DENND1A: variants seen among roughly 807,000 people sequenced by gnomAD.
DENND1A encodes DENN domain-containing protein 1A.
A neutral mutation model predicts 113.7 loss-of-function variants in DENND1A; 51 were observed. The observed-to-expected ratio is 0.45, with a 90% CI of 0.36 to 0.57. DENND1A has a LOEUF of 0.57. Among genes scored for constraint, DENND1A ranks in the 20% least tolerant of loss-of-function variants. The pLI is 0.00. For missense variants in DENND1A, 1,258 were observed against 1,395.9 expected (o/e 0.90, Z 1.57); for synonymous variants, 565 against 570.8 (o/e 0.99, Z 0.14).
chr9:123,607,554 G>C (rs2060228558), intron 11 of DENND1A, among the ~76,000 whole-genome samples: 1 of 125,704 alleles, frequency 8.0e-6, no homozygotes, highest in South Asian at 2.9e-4. Context: ...GAGAGTGTGT[G>C]TGTGTGTGTG....
At chr9:123,469,346 T>G (rs1254740946) in intron 13 of DENND1A, among the ~76,000 whole-genome samples, 2 of 152,266 alleles carry the variant, frequency 1.3e-5, no homozygotes, top group Non-Finnish European at 2.9e-5. Context: ...CTCTGATGAT[T>G]TGCAGGGGCA....
chr9:123,593,441 C>T (rs2059549562), intron 11 of DENND1A, among the ~76,000 whole-genome samples: 1 of 152,086 alleles, frequency 6.6e-6, no homozygotes, highest in Non-Finnish European at 1.5e-5. Flanking sequence ...AATGGGACCT[C>T]CAAGCAAAGG....
intron 11 of DENND1A, among the ~76,000 whole-genome samples, chr9:123,592,597 G>A (rs919348550): frequency 6.6e-6 from 1 of 152,220 alleles, no homozygotes; most frequent in African/African-American, 2.4e-5. Flanking sequence ...CTGGGTGGTG[G>A]TTACATGTAT....
chr9:123,772,371 A>T lies in DENND1A; in HGVS notation c.133-2808T>A, dbSNP rs1280605746. On this transcript the variant is annotated intron_variant, in intron 3 of 23. Transcript: ENST00000394215. ...TGGCAGTGTCCCACAGTCTTTCAATATTAACTTTATTGGGACAACAGTCAT... is the reference window on the plus strand; with the variant it reads ...TGGCAGTGTCCCACAGTCTTTCAATTTTAACTTTATTGGGACAACAGTCAT... 2.0e-5 allele frequency among the ~76,000 whole-genome samples: 3 copies of T among 152,320 alleles called. No individual in the cohort carries two copies. The South Asian group carries it at 6.2e-4, about 32-fold the overall frequency.
chr9:123,914,469 C>T (rs778672158), intron 1 of DENND1A, among the ~76,000 whole-genome samples: 8 of 146,804 alleles, frequency 5.4e-5, no homozygotes, highest in African/African-American at 1.5e-4. Flanking sequence ...GGCATGAACC[C>T]GGAAGGCCAA....
chr9:123,467,249 G>C (rs529346021), intron 13 of DENND1A, among the ~76,000 whole-genome samples: 1 of 152,290 alleles, frequency 6.6e-6, no homozygotes, highest in South Asian at 2.1e-4. Context: ...CTGGAATTTG[G>C]TGCTGCAGGC....
intron 13 of DENND1A, among the ~76,000 whole-genome samples, chr9:123,508,787 A>G (rs2053193991): frequency 6.6e-6 from 1 of 152,234 alleles, no homozygotes; most frequent in Non-Finnish European, 1.5e-5. Flanking sequence ...GAGGGAAAAG[A>G]CAGATATACT....
chr9:123,665,141 T>C (rs1450156034), intron 8 of DENND1A, among the ~76,000 whole-genome samples: 2 of 152,222 alleles, frequency 1.3e-5, no homozygotes, highest in East Asian at 3.8e-4. Context: ...GCTCAAAGTA[T>C]AGCATGTTAT....
At chr9:123,827,879 A>T (rs1368349879) in intron 2 of DENND1A, among the ~76,000 whole-genome samples, 2 of 152,218 alleles carry the variant, frequency 1.3e-5, no homozygotes, top group African/African-American at 4.8e-5. Flanking sequence ...TGCTAGCATG[A>T]CTAGCCTTAA....
chr9:123,427,072 T>C (rs568263741), intron 19 of DENND1A, among the ~76,000 whole-genome samples: 2 of 152,362 alleles, frequency 1.3e-5, no homozygotes, highest in Admixed American at 1.3e-4. Context: ...GGGCACCTCA[T>C]GAGAATGCTG....
intron 19 of DENND1A, among the ~76,000 whole-genome samples, chr9:123,424,650 G>C (rs892179902): frequency 2.0e-5 from 3 of 152,200 alleles, no homozygotes; most frequent in Non-Finnish European, 4.4e-5. Context: ...CCCCACCTGG[G>C]GTGGGGAGAG....
At chr9:123,849,532 C>G (rs1843050159) in intron 2 of DENND1A, among the ~76,000 whole-genome samples, 1 of 152,128 alleles carries the variant, frequency 6.6e-6, no homozygotes, top group East Asian at 1.9e-4. Flanking sequence ...GACAATGCAC[C>G]TGGTCATCCA....
chr9:123,927,225 T>C (rs1254803005), intron 1 of DENND1A, among the ~76,000 whole-genome samples: 1 of 152,230 alleles, frequency 6.6e-6, no homozygotes, highest in Non-Finnish European at 1.5e-5. Flanking sequence ...CACCTGTGCC[T>C]AGCAACTCAC....
At chr9:123,559,738 A>C (rs1468600079) in intron 12 of DENND1A, among the ~76,000 whole-genome samples, 1 of 152,218 alleles carries the variant, frequency 6.6e-6, no homozygotes, top group Non-Finnish European at 1.5e-5. Context: ...TTTTTAGTGT[A>C]GTCACAAGAC....
At chr9:123,706,220 G>A (rs1014169226) in intron 5 of DENND1A, among the ~76,000 whole-genome samples, 4 of 148,688 alleles carry the variant, frequency 2.7e-5, no homozygotes, top group Non-Finnish European at 4.4e-5. Flanking sequence ...GCGCAATCTC[G>A]GCTCACTGCA....
intron 9 of DENND1A, among the ~76,000 whole-genome samples, chr9:123,632,161 G>A (rs569864983): frequency 8.5e-5 from 13 of 152,250 alleles, no homozygotes; most frequent in South Asian, 6.2e-4. Flanking sequence ...AGTTGTGAGA[G>A]CTGTGTGTTA....
intron 1 of DENND1A, among the ~76,000 whole-genome samples, chr9:123,918,796 CATTTT>C (rs1001771711): frequency 6.6e-6 from 1 of 151,958 alleles, no homozygotes; most frequent in Non-Finnish European, 1.5e-5. Context: ...AAAATATCAC[CATTTT>C]ATAACCTCTA....
chr9:123,816,836 T>C (rs1837574941), intron 2 of DENND1A, among the ~76,000 whole-genome samples: 2 of 152,230 alleles, frequency 1.3e-5, no homozygotes, highest in East Asian at 3.9e-4. Flanking sequence ...AGTAGATACA[T>C]AAAAGAGGAA....
intron 11 of DENND1A, among the ~76,000 whole-genome samples, chr9:123,602,202 C>T (rs1341650724): frequency 1.3e-5 from 2 of 152,172 alleles, no homozygotes; most frequent in Admixed American, 6.5e-5. Context: ...AATGCACATA[C>T]TCCTGTATGC....
Sources: gnomAD v4.1 joint callset for allele counts (sites outside exome capture counted in the v4.1 genomes callset) on GRCh38, gnomAD v4.1.1 for gene constraint, MANE v1.5 for transcripts, NCBI Gene and HGNC (gene_info 2026-07-23, HGNC 2026-07-21) for gene names.